Variants in MYO19 observed in about 807,000 individuals in gnomAD.
The protein encoded by MYO19 is unconventional myosin-XIX.
Under a neutral mutation model 129.2 loss-of-function variants are expected in MYO19, and 132 were observed. The observed-to-expected ratio is 1.02, with a 90% CI of 0.89 to 1.18. MYO19 has a LOEUF of 1.18. Among genes scored for constraint, MYO19 ranks in the 50% most tolerant of loss-of-function variants. The pLI is 0.00. For missense variants in MYO19, 1,210 were observed against 1,216.7 expected (o/e 0.99, Z 0.08); for synonymous variants, 531 against 477.2 (o/e 1.11, Z -1.47).
At chr17:36,541,497 TCATTTATGCCTG>T (rs2074197770) in intron 2 of MYO19, among the ~76,000 whole-genome samples, 1 of 152,214 alleles carries the variant, frequency 6.6e-6, no homozygotes, top group Admixed American at 6.5e-5. Context: ...CAGATAGATC[TCATTTATGCCTG>T]CATTTTGTGG....
chr17:36,515,379 A>G (rs146370201), intron 7 of MYO19, among the ~76,000 whole-genome samples, 197 bp from the exon 8 acceptor site: 483 of 152,256 alleles, frequency 3.2e-3, no homozygotes, highest in African/African-American at 0.011. Context: ...GGGGAGTTAG[A>G]AGAAATTCCT....
upstream of MYO19, chr17:36,538,659 G>A: frequency 7.1e-7 from 1 of 1,410,026 alleles, no homozygotes; most frequent in Non-Finnish European, 9.7e-7. Flanking sequence ...AATATTTAAT[G>A]AGGAATATTA....
intron 5 of MYO19, among the ~76,000 whole-genome samples, chr17:36,526,827 C>T (rs943115742): frequency 3.3e-5 from 5 of 152,084 alleles, no homozygotes; most frequent in African/African-American, 1.2e-4. Flanking sequence ...GCGGAGGTTG[C>T]GGTGAGTCAA....
In MYO19 at chr17:36,532,604, T is replaced by C; in HGVS notation, c.-66A>G. ...GGTACAAGGAGTACTATCCACCTAGTCATGGGACCATGGGCTGGGGTATGG... is the reference window on the plus strand; with the variant it reads ...GGTACAAGGAGTACTATCCACCTAGCCATGGGACCATGGGCTGGGGTATGG... On this transcript the variant is annotated 5_prime_UTR_variant, in exon 3 of 26. It removes the in-frame stop codon of an upstream open reading frame in the 5' UTR. Transcript: ENST00000614623. The C allele has an allele frequency of 1.9e-6, 3 of 1,541,336 alleles. No individual in the cohort carries two copies. In the East Asian group the frequency reaches 7.3e-5, roughly 38 times the overall value.
chr17:36,525,451 T>C (rs2073405998), intron 5 of MYO19, 110 bp from the exon 6 acceptor site: 2 of 793,448 alleles, frequency 2.5e-6, no homozygotes, highest in Admixed American at 4.6e-5. Context: ...GGTGGGATGC[T>C]TCCTCCAGAA....
intron 2 of MYO19, among the ~76,000 whole-genome samples, chr17:36,540,194 T>C (rs765455623): frequency 1.3e-5 from 2 of 152,042 alleles, no homozygotes; most frequent in Non-Finnish European, 2.9e-5. Flanking sequence ...CCCAGTGTAA[T>C]TTAATAAAAC....
chr17:36,514,488 G>A lies in MYO19; in HGVS notation c.678C>T (p.Ala226=). ...QTYLLEKTRV[A]CQASSERNFH... The stretch of plus-strand genomic sequence containing the variant: ...AGTTCCTCTCACTGGAAGCCTGGCA[G>A]GCCACTCGAGTTTTCTCTAGGAGGT... The change falls in exon 9 of 26, where the codon GCC becomes GCT. Residue 226 remains alanine, a synonymous_variant. Coordinates refer to ENST00000614623, the MANE Select transcript of MYO19 (RefSeq NM_001163735.2). The A allele has an allele frequency of 6.2e-7, 1 of 1,613,768 alleles. No homozygotes were observed. Among genetic ancestry groups the A allele is most frequent in the Non-Finnish European group, 8.5e-7 (1 of 1,179,688 alleles).
intron 7 of MYO19, 149 bp from the exon 8 acceptor site, chr17:36,515,331 T>C (rs2072669583): frequency 1.6e-6 from 1 of 606,878 alleles, no homozygotes; most frequent in African/African-American, 1.9e-5. Flanking sequence ...GGGACAGGAC[T>C]AGAAAATGGG....
chr17:36,499,115 G>C lies in MYO19; in HGVS notation c.2423C>G (p.Ala808Gly). The change falls in exon 24 of 26, where the codon GCA becomes GGA. Residue 808 changes from alanine to glycine, a missense_variant. Physicochemically the swap from Ala to Gly is moderately conservative, Grantham distance 60. Coordinates refer to ENST00000614623, the MANE Select transcript of MYO19 (RefSeq NM_001163735.2). ...LTRKHIQRLH[A>G]AATVIKRAWQ... ...TGCACGCTTGATGACTGTGGCAGCT[G>C]CATGCAGCCTCTGGATGTGTTTCCG... 6.2e-7 allele frequency: 1 copy of C among 1,610,436 alleles called. No homozygotes were observed. Among genetic ancestry groups the C allele is most frequent in the Non-Finnish European group, 8.5e-7 (1 of 1,178,244 alleles).
intron 21 of MYO19, chr17:36,501,492 C>A (rs751050849): frequency 2.6e-6 from 1 of 380,768 alleles, no homozygotes; most frequent in African/African-American, 2.0e-5. Context: ...ACAGCCTCTA[C>A]TGCCATGAGT....
At chr17:36,527,980 T>G in intron 4 of MYO19, 84 bp downstream of exon 4, 2 of 1,539,574 alleles carry the variant, frequency 1.3e-6, no homozygotes, top group South Asian at 2.5e-5. Flanking sequence ...GACCTCCGTC[T>G]GACCTGGAGA....
rs540645740 is a variant in MYO19 at position 36,528,137 on chromosome 17, C to T, written c.78G>A (p.Glu26=). Residue 26 remains glutamate (E), a synonymous_variant, in exon 4 of 26, where the codon GAG becomes GAA. Coordinates refer to ENST00000614623, the MANE Select transcript of MYO19 (RefSeq NM_001163735.2). ...ACAGCAGGACCTCCCCACCCAGGAACTCCTGCAGGTCTTCTCTGAGGTACT... is the reference window on the plus strand; with the variant it reads ...ACAGCAGGACCTCCCCACCCAGGAATTCCTGCAGGTCTTCTCTGAGGTACT... ...AREYLREDLQ[E]FLGGEVLLYK... is the part of the protein sequence containing the mutation. The T allele has an allele frequency of 1.3e-4, 203 of 1,612,994 alleles. 1 individual carries two copies. The South Asian group carries it at 2.1e-3, about 17-fold the overall frequency.
At chr17:36,496,904 C>T (rs1022284786) in intron 25 of MYO19, among the ~76,000 whole-genome samples, 33 of 152,170 alleles carry the variant, frequency 2.2e-4, no homozygotes, top group Admixed American at 6.5e-5. Context: ...TGGGGTTCTA[C>T]CTCCCAGTGC....
At chr17:36,543,686 G>A (rs1156856086), upstream of MYO19, among the ~76,000 whole-genome samples, 5 of 152,120 alleles carry the variant, frequency 3.3e-5, no homozygotes, top group East Asian at 5.8e-4. Flanking sequence ...GTGCAATGGC[G>A]CGATCTGGGC....
chr17:36,508,688 C>T (rs1159785486), intron 14 of MYO19: 1 of 210,536 alleles, frequency 4.7e-6, no homozygotes, highest in East Asian at 1.2e-4. Flanking sequence ...ACTTTGGCCT[C>T]CCAAAATGTT....
At chr17:36,544,435 C>T (rs574111075), upstream of MYO19, among the ~76,000 whole-genome samples, 2 of 152,282 alleles carry the variant, frequency 1.3e-5, no homozygotes, top group Admixed American at 1.3e-4. Flanking sequence ...TGTCTCTCAC[C>T]CCCCGATGCT....
chr17:36,517,167 G>C (rs2072809977), intron 6 of MYO19, among the ~76,000 whole-genome samples: 1 of 152,082 alleles, frequency 6.6e-6, no homozygotes, highest in South Asian at 2.1e-4. Context: ...TAATCTGTAA[G>C]ATCTATATTG....
intron 11 of MYO19, 121 bp from the exon 12 acceptor site, chr17:36,511,576 A>T (rs924671906): frequency 1.8e-5 from 15 of 816,118 alleles, no homozygotes; most frequent in African/African-American, 1.2e-4. Flanking sequence ...TCATGGCCCA[A>T]GTGCCCATCT....
chr17:36,513,854 AGAG>A (rs2072546356), intron 9 of MYO19, 129 bp from the exon 10 acceptor site: 1 of 762,148 alleles, frequency 1.3e-6, no homozygotes, highest in Non-Finnish European at 2.1e-6. Flanking sequence ...GTCCCTTCCG[AGAG>A]CCCACGGCAG....
Sources: gnomAD v4.1 joint callset for allele counts (sites outside exome capture counted in the v4.1 genomes callset) on GRCh38, gnomAD v4.1.1 for gene constraint, MANE v1.5 for transcripts, NCBI Gene and HGNC (gene_info 2026-07-23, HGNC 2026-07-21) for gene names.